The following TXLNB variants were observed in gnomAD, a reference collection of about 807,000 sequenced individuals.
The protein encoded by TXLNB is taxilin beta.
TXLNB carries 37 observed loss-of-function variants against 57.4 expected under a neutral mutation model. That is an observed-to-expected ratio of 0.64 (90% CI 0.50 to 0.85). The LOEUF is 0.85. TXLNB is among the 40% of genes least tolerant of loss of function. The pLI is 0.00. For missense variants in TXLNB, 848 were observed against 825.6 expected (o/e 1.03, Z -0.33); for synonymous variants, 302 against 309.6 (o/e 0.98, Z 0.26).
At chr6:139,189,069 A>G in the TXLNB span, among the ~76,000 whole-genome samples, 6 of 152,168 alleles carry the variant, frequency 3.9e-5, no homozygotes, top group Non-Finnish European at 5.9e-5. Context: ...GATTTCTTTA[A>G]CCTCGTATTC....
intron 2 of TXLNB, among the ~76,000 whole-genome samples, chr6:139,286,534 G>T (rs967261728): frequency 6.6e-6 from 1 of 152,110 alleles, no homozygotes; most frequent in Non-Finnish European, 1.5e-5. Context: ...TAGGGGCCGG[G>T]CGCAGTGGCT....
the TXLNB span, among the ~76,000 whole-genome samples, chr6:139,303,322 G>C: frequency 1.3e-5 from 2 of 152,092 alleles, no homozygotes; most frequent in Non-Finnish European, 2.9e-5. Flanking sequence ...CTTTGAACTG[G>C]TCTGGCGCTG....
Position 139,288,911 on chromosome 6 carries a change from TA to T in TXLNB, c.-13del. 3.1e-6 allele frequency: 5 copies of T among 1,606,728 alleles called. No homozygotes were observed. Among genetic ancestry groups the T allele is most frequent in the Non-Finnish European group, 4.3e-6 (5 of 1,175,254 alleles). Reference sequence around the variant, plus strand: ...TGATTAGCCTCCATCTTGGGAGTAGTATCTAGTGGTAAGCACAGTTAGGCTT... The same window carrying T: ...TGATTAGCCTCCATCTTGGGAGTAGTTCTAGTGGTAAGCACAGTTAGGCTT... On this transcript the variant is annotated splice_region_variant and 5_prime_UTR_variant, in exon 2 of 10. Transcript: ENST00000358430.
At chr6:139,267,331 T>A (rs919531671) in intron 4 of TXLNB, among the ~76,000 whole-genome samples, 1 of 152,150 alleles carries the variant, frequency 6.6e-6, no homozygotes, top group Non-Finnish European at 1.5e-5. Context: ...ATAATACATA[T>A]AATGATGATA....
At chr6:139,216,899 C>G in the TXLNB span, among the ~76,000 whole-genome samples, 2 of 152,132 alleles carry the variant, frequency 1.3e-5, no homozygotes, top group Non-Finnish European at 2.9e-5. Flanking sequence ...TGAAAGACTA[C>G]ATATTGGGTA....
At chr6:139,296,298 A>G (rs2114666868), upstream of TXLNB, among the ~76,000 whole-genome samples, 5 of 152,346 alleles carry the variant, frequency 3.3e-5, no homozygotes, top group South Asian at 1.0e-3. Context: ...TAGTTTGGCT[A>G]GATGTAACCT....
the TXLNB span, among the ~76,000 whole-genome samples, chr6:139,205,996 G>A: frequency 6.6e-6 from 1 of 152,178 alleles, no homozygotes. Flanking sequence ...AACCTTACAA[G>A]TTAGAAGGGA....
At chr6:139,171,281 A>G in the TXLNB span, among the ~76,000 whole-genome samples, 1 of 152,148 alleles carries the variant, frequency 6.6e-6, no homozygotes. Flanking sequence ...TCTTGAGAGT[A>G]CCTTTCAGGG....
upstream of TXLNB, among the ~76,000 whole-genome samples, chr6:139,295,002 T>A (rs546736831): frequency 6.1e-4 from 93 of 151,742 alleles, no homozygotes; most frequent in African/African-American, 1.9e-3. Context: ...AAAAAAAAAA[T>A]TCCATTGTTT....
chr6:139,302,611 A>G, the TXLNB span, among the ~76,000 whole-genome samples: 1 of 123,774 alleles, frequency 8.1e-6, no homozygotes. Flanking sequence ...TAAAAATACA[A>G]AAAAAAAAAA....
At chr6:139,323,031 AT>A in the TXLNB span, among the ~76,000 whole-genome samples, 1 of 152,116 alleles carries the variant, frequency 6.6e-6, no homozygotes, top group South Asian at 2.1e-4. Flanking sequence ...ATCTGTCCTC[AT>A]TTTAAAATAA....
In TXLNB at chr6:139,243,005, C is replaced by G; in HGVS notation, c.1576G>C (p.Glu526Gln). Residue 526 changes from glutamate (E) to glutamine (Q), a missense_variant, in exon 10 of 10, where the codon GAA (glutamate) becomes CAA (glutamine). Coordinates refer to ENST00000358430, the MANE Select transcript of TXLNB (RefSeq NM_153235.4). Reference protein sequence around the residue: ...TPHQSKETQPEIGSSQESADA... With the variant: ...TPHQSKETQPQIGSSQESADA... Reference sequence around the variant, plus strand: ...GCACTCTCCTGAGAACTGCCTATTTCGGGTTGGGTTTCTTTGGACTGGTGC... The same window carrying G: ...GCACTCTCCTGAGAACTGCCTATTTGGGGTTGGGTTTCTTTGGACTGGTGC... The G allele has an allele frequency of 6.2e-7, 1 of 1,614,074 alleles. No individual in the cohort carries two copies. The highest frequency in any genetic ancestry group is 8.5e-7 in the Non-Finnish European group (1 of 1,180,020).
At chr6:139,237,335 A>C (rs2114388829), downstream of TXLNB, 2 of 152,130 alleles carry the variant, frequency 1.3e-5, no homozygotes, top group Middle Eastern at 3.4e-3. Flanking sequence ...CCCCGTCTCT[A>C]CTAAAGATAC....
At chr6:139,219,039 C>T in the TXLNB span, among the ~76,000 whole-genome samples, 4 of 152,128 alleles carry the variant, frequency 2.6e-5, no homozygotes, top group Non-Finnish European at 4.4e-5. Flanking sequence ...ACTTCTATCC[C>T]GGTGCCTCAC....
At chr6:139,292,968 G>A (rs776729868), upstream of TXLNB, among the ~76,000 whole-genome samples, 2 of 152,112 alleles carry the variant, frequency 1.3e-5, no homozygotes, top group Non-Finnish European at 2.9e-5. This position sits in a 1 kb window ranked among gnomAD's most constrained non-coding sequence, Gnocchi z 4.0. Flanking sequence ...AGATCTCCAC[G>A]TCCTACTCCC....
the TXLNB span, among the ~76,000 whole-genome samples, chr6:139,314,163 A>G: frequency 5.9e-5 from 9 of 152,216 alleles, no homozygotes; most frequent in Non-Finnish European, 1.3e-4. Flanking sequence ...GGGAAAATCT[A>G]CATTCTGTAG....
intron 7 of TXLNB, among the ~76,000 whole-genome samples, chr6:139,252,886 G>A (rs996635828): frequency 2.6e-5 from 4 of 152,168 alleles, no homozygotes; most frequent in Non-Finnish European, 5.9e-5. Flanking sequence ...GGCTACTCGG[G>A]AGGCTGAGGC....
chr6:139,189,032 C>T, the TXLNB span, among the ~76,000 whole-genome samples: 3 of 152,248 alleles, frequency 2.0e-5, no homozygotes, highest in East Asian at 5.8e-4. Flanking sequence ...GCTGGGATTA[C>T]AGGCGTGAGC....
intron 3 of TXLNB, among the ~76,000 whole-genome samples, chr6:139,274,703 TC>T (rs1776849886): frequency 6.6e-6 from 1 of 152,088 alleles, no homozygotes; most frequent in African/African-American, 2.4e-5. Context: ...AAGTGATGCT[TC>T]CCCAGTGCAC....
Sources: gnomAD v4.1 joint callset for allele counts (sites outside exome capture counted in the v4.1 genomes callset) on GRCh38, gnomAD v4.1.1 for gene constraint, Gnocchi (gnomAD v3.1) non-coding constraint, MANE v1.5 for transcripts, NCBI Gene and HGNC (gene_info 2026-07-23, HGNC 2026-07-21) for gene names.